MYO1D: variants seen among roughly 807,000 people sequenced by gnomAD.
The protein encoded by MYO1D is myosin ID.
In MYO1D, 83 loss-of-function variants were observed where a neutral mutation model predicts 122.0. That is an observed-to-expected ratio of 0.68 (90% CI 0.57 to 0.82). MYO1D has a LOEUF of 0.82. Among genes scored for constraint, MYO1D ranks in the 40% least tolerant of loss-of-function variants. MYO1D has a pLI of 0.00. For synonymous variants in MYO1D, 464 were observed against 446.9 expected, an observed-to-expected ratio of 1.04 and a Z score of -0.48; for missense variants, 1,157 against 1,269.5, an observed-to-expected ratio of 0.91 and a Z score of 1.35.
Position 32,780,668 on chromosome 17 carries a change from A to T in MYO1D, c.212T>A (p.Leu71Gln). The T allele has an allele frequency of 6.8e-6, 11 of 1,614,160 alleles. No individual in the cohort carries two copies. Among genetic ancestry groups the T allele is most frequent in the Non-Finnish European group, 9.3e-6 (11 of 1,180,034 alleles). Residue 71 changes from leucine (L) to glutamine (Q), a missense_variant, in exon 2 of 22, where the codon CTG becomes CAG. Transcript: ENST00000318217. Reference protein sequence around the residue: ...DTIEQYKGRELYERPPHLFAI... With the variant: ...DTIEQYKGREQYERPPHLFAI... The stretch of plus-strand genomic sequence containing the variant: ...AAAAAGGTGAGGCGGTCTCTCATAC[A>T]GCTCACGGCCTTTATACTGCTCAAT...
chr17:32,788,045 T>C (rs2090315248), intron 1 of MYO1D, among the ~76,000 whole-genome samples: 1 of 152,140 alleles, frequency 6.6e-6, no homozygotes, highest in South Asian at 2.1e-4. Flanking sequence ...CAAATTGTAC[T>C]GCTATAAACG....
chr17:32,731,927 T>C (rs934810310), intron 14 of MYO1D, among the ~76,000 whole-genome samples: 6 of 152,232 alleles, frequency 3.9e-5, no homozygotes, highest in African/African-American at 1.4e-4. Flanking sequence ...CCTGCCCCTG[T>C]TGGCTTGGAT....
chr17:32,613,673 C>T (rs1239894740), intron 20 of MYO1D, among the ~76,000 whole-genome samples: 1 of 150,466 alleles, frequency 6.6e-6, no homozygotes, highest in Admixed American at 6.7e-5. Flanking sequence ...ACTCGGGGGG[C>T]TGAGGCAGGA....
At chr17:32,517,828 A>G (rs1457387038) in intron 21 of MYO1D, among the ~76,000 whole-genome samples, 1 of 152,262 alleles carries the variant, frequency 6.6e-6, no homozygotes, top group African/African-American at 2.4e-5. Flanking sequence ...AAGAAGAATT[A>G]CAAGAATGAT....
At chr17:32,658,767 A>C (rs2088512123) in intron 17 of MYO1D, 1 of 267,208 alleles carries the variant, frequency 3.7e-6, no homozygotes, top group African/African-American at 2.2e-5. Context: ...CTGCTTTGAA[A>C]GGATTAATGG....
chr17:32,531,334 A>G (rs1910501993), intron 21 of MYO1D: 1 of 152,212 alleles, frequency 6.6e-6, no homozygotes. Context: ...AGAGACTGAG[A>G]GGAGTGGAGA....
intron 16 of MYO1D, among the ~76,000 whole-genome samples, chr17:32,659,923 A>C (rs868479604): frequency 3.3e-5 from 5 of 152,246 alleles, no homozygotes; most frequent in African/African-American, 1.2e-4. Context: ...TTCAGTGCTC[A>C]CAAATCAATG....
intron 1 of MYO1D, among the ~76,000 whole-genome samples, chr17:32,839,535 G>A (rs2090858036): frequency 6.6e-6 from 1 of 152,156 alleles, no homozygotes; most frequent in Admixed American, 6.6e-5. Context: ...GTAAGGCTGT[G>A]AACCTGGAAA....
chr17:32,861,999 T>C (rs753774584), intron 1 of MYO1D, among the ~76,000 whole-genome samples: 1 of 152,138 alleles, frequency 6.6e-6, no homozygotes, highest in Non-Finnish European at 1.5e-5. Flanking sequence ...GCCTGGGCAA[T>C]AGAGCCAGAC....
At chr17:32,857,356 T>C (rs7210551) in intron 1 of MYO1D, among the ~76,000 whole-genome samples, 7,786 of 152,062 alleles carry the variant, frequency 0.051, 625 homozygotes, top group African/African-American at 0.17. Context: ...GAGGACGAGG[T>C]GGGCAAATCA....
At chr17:32,634,656 T>C (rs1416410654) in intron 20 of MYO1D, among the ~76,000 whole-genome samples, 2 of 152,226 alleles carry the variant, frequency 1.3e-5, no homozygotes, top group Non-Finnish European at 2.9e-5. Context: ...TCAAGAATGA[T>C]TAGACAAACT....
At chr17:32,547,723 G>A (rs1402922842) in intron 21 of MYO1D, among the ~76,000 whole-genome samples, 1 of 152,196 alleles carries the variant, frequency 6.6e-6, no homozygotes, top group Non-Finnish European at 1.5e-5. Context: ...AAGGCAGGCC[G>A]ATCACTTGAG....
intron 1 of MYO1D, among the ~76,000 whole-genome samples, chr17:32,790,959 T>C (rs2090344351): frequency 6.6e-6 from 1 of 152,202 alleles, no homozygotes; most frequent in Admixed American, 6.5e-5. Flanking sequence ...AAAATGAGCT[T>C]GGACTATCTT....
At chr17:32,831,379 T>G (rs1291144731) in intron 1 of MYO1D, among the ~76,000 whole-genome samples, 1 of 152,240 alleles carries the variant, frequency 6.6e-6, no homozygotes, top group East Asian at 1.9e-4. Context: ...CTAATAGCAC[T>G]CAGGTAAGTC....
chr17:32,641,499 G>A (rs935970968), intron 19 of MYO1D, among the ~76,000 whole-genome samples: 1 of 152,168 alleles, frequency 6.6e-6, no homozygotes, highest in Admixed American at 6.5e-5. Flanking sequence ...GATCCCTGAG[G>A]AATCACCACA....
intron 1 of MYO1D, among the ~76,000 whole-genome samples, chr17:32,858,108 T>C (rs1036667505): frequency 2.0e-5 from 3 of 152,236 alleles, no homozygotes; most frequent in African/African-American, 4.8e-5. Context: ...TGTATGACTT[T>C]AGAGGCCACA....
At chr17:32,797,137 ATTT>A (rs947413419) in intron 1 of MYO1D, among the ~76,000 whole-genome samples, 14 of 152,112 alleles carry the variant, frequency 9.2e-5, no homozygotes, top group African/African-American at 2.9e-4. Context: ...CACTCGGCTA[ATTT>A]TTTGTATTTT....
intron 1 of MYO1D, among the ~76,000 whole-genome samples, chr17:32,823,740 C>T (rs2090695954): frequency 6.6e-6 from 1 of 152,056 alleles, no homozygotes; most frequent in South Asian, 2.1e-4. Context: ...TAAAGCCAGG[C>T]AACACAAACA....
intron 20 of MYO1D, among the ~76,000 whole-genome samples, chr17:32,631,372 G>C (rs1254967243): frequency 6.6e-6 from 1 of 152,182 alleles, no homozygotes; most frequent in Admixed American, 6.5e-5. Context: ...GGTGTGGTGT[G>C]GCTCATGCCT....
Sources: allele counts gnomAD v4.1 joint callset (sites outside exome capture counted in the v4.1 genomes callset), GRCh38; gene constraint gnomAD v4.1.1; transcripts MANE v1.5; gene names NCBI Gene and HGNC (gene_info 2026-07-23, HGNC 2026-07-21).